Variants in NPHP3 observed in about 807,000 individuals in gnomAD.
The protein encoded by NPHP3 is nephrocystin 3, also known as nephrocystin-3.
NPHP3 carries 123 observed loss-of-function variants against 171.9 expected under a neutral mutation model. The ratio of observed to expected loss-of-function variants is 0.72; its 90% CI spans 0.62 to 0.83. The LOEUF (loss-of-function observed/expected upper bound fraction) is 0.83. NPHP3 is among the 40% of genes least tolerant of loss of function. NPHP3 has a pLI of 0.00. For synonymous variants in NPHP3, 558 were observed against 579.2 expected, an observed-to-expected ratio of 0.96 and a Z score of 0.52; for missense variants, 1,506 against 1,591.9, an observed-to-expected ratio of 0.95 and a Z score of 0.92.
In NPHP3 at chr3:132,704,410, A is replaced by C. The variant is rs189430524; in HGVS notation, c.1351-39T>G. On this transcript the variant is annotated intron_variant, in intron 8 of 26. Coordinates refer to ENST00000337331, the MANE Select transcript of NPHP3 (RefSeq NM_153240.5). ...ACAACCACACAAAAATGAATGAAGAAAATAAAGATCTTACAGCGGGGTCAC... is the reference window on the plus strand; with the variant it reads ...ACAACCACACAAAAATGAATGAAGACAATAAAGATCTTACAGCGGGGTCAC... 106 of 1,613,142 alleles carry C rather than the reference A, an allele frequency of 6.6e-5. No homozygotes were observed. The East Asian group carries it at 2.2e-3, about 33-fold the overall frequency.
chr3:132,704,148 G>A (rs1298818473), intron 9 of NPHP3, 50 bp downstream of exon 9: 1 of 1,505,186 alleles, frequency 6.6e-7, no homozygotes, highest in Admixed American at 1.7e-5. Context: ...TCATAATACA[G>A]CCTTTAAGTG....
At chr3:132,696,933 C>T (rs1277443591) in intron 14 of NPHP3, 120 bp from the exon 15 acceptor site, 8 of 821,252 alleles carry the variant, frequency 9.7e-6, no homozygotes, top group Admixed American at 1.9e-5. Flanking sequence ...TGCTGCCATC[C>T]GTGACATCAC....
chr3:132,701,314 T>C, intron 10 of NPHP3, 116 bp downstream of exon 10: 1 of 711,530 alleles, frequency 1.4e-6, no homozygotes, highest in South Asian at 1.5e-5. Flanking sequence ...TATTCCTTTT[T>C]ACTTTGTTAA....
chr3:132,688,720 A>G lies in NPHP3; in HGVS notation c.3055T>C (p.Tyr1019His), dbSNP rs759936807. 2.5e-6 allele frequency: 4 copies of G among 1,614,148 alleles called. No individual in the cohort carries two copies. In the South Asian group the frequency reaches 4.4e-5, roughly 18 times the overall value. ...GCAGTATATGGATGGTCCGCACCAT[A>G]AGCATTTTCTGAGATTTCCAACGCC... ...KQALEISENAYGADHPYTARE... is the reference protein window; with the variant it reads ...KQALEISENAHGADHPYTARE... Residue 1019 changes from tyrosine (Y) to histidine (H), a missense_variant, in exon 21 of 27, where the codon TAT becomes CAT. Around this residue, in one of 3 missense-constraint regions of NPHP3, gnomAD observed 569 missense variants for 648.1 expected, o/e 0.88. Transcript: ENST00000337331.
intron 2 of NPHP3, 54 bp from the exon 3 acceptor site, chr3:132,719,198 G>T: frequency 7.2e-7 from 1 of 1,379,916 alleles, no homozygotes; most frequent in Non-Finnish European, 1.0e-6. Context: ...AAAAAGTTGT[G>T]TCATCAACTT....
Position 132,716,780 on chromosome 3 carries a change from C to G in NPHP3, c.800G>C (p.Gly267Ala), listed in dbSNP as rs1467512285. Residue 267 changes from glycine (G) to alanine (A), a missense_variant, in exon 4 of 27, where the codon GGA becomes GCA. By Grantham distance (60) the Gly-to-Ala change is moderately conservative. Transcript: ENST00000337331. ...EFAHSSIDVE[G>A]PFANVNRDDW... The stretch of plus-strand genomic sequence containing the variant: ...ACCTCTATTAACATTTGCAAAGGGT[C>G]CTTCCACATCTATAGAACTATGGGC... 3.1e-6 allele frequency: 5 copies of G among 1,614,026 alleles called. No homozygotes were observed. The highest frequency in any genetic ancestry group is 4.2e-6 in the Non-Finnish European group (5 of 1,180,034).
At chr3:132,691,349 A>G in intron 17 of NPHP3, 63 bp from the exon 18 acceptor site, 1 of 1,111,476 alleles carries the variant, frequency 9.0e-7, no homozygotes, top group Non-Finnish European at 1.4e-6. Context: ...ATCTAACAAG[A>G]GATTTGCAAA....
chr3:132,692,865 G>A lies in NPHP3; in HGVS notation c.2311-47C>T, dbSNP rs776201153. 6.7e-6 allele frequency: 10 copies of A among 1,490,030 alleles called. No individual in the cohort carries two copies. The African/African-American group carries it at 1.1e-4, about 17-fold the overall frequency. The allele number at this position is 1,490,030 out of a possible 1,614,324, so 92.3% of individuals were successfully genotyped here. ...CAGTAATCATAAAGCACCTGTATAAGTAACTAACGGCCATTAAAAGTTCCA... is the reference window on the plus strand; with the variant it reads ...CAGTAATCATAAAGCACCTGTATAAATAACTAACGGCCATTAAAAGTTCCA... On this transcript the variant is annotated intron_variant, in intron 16 of 26. Transcript: ENST00000337331.
intron 23 of NPHP3, 116 bp downstream of exon 23, chr3:132,686,144 T>A: frequency 9.4e-7 from 1 of 1,060,162 alleles, no homozygotes; most frequent in Non-Finnish European, 1.5e-6. Context: ...ATACATGAAA[T>A]TTTGCGTGGT....
In NPHP3 at chr3:132,681,840, A is replaced by C; in HGVS notation, c.*70T>G. The stretch of plus-strand genomic sequence containing the variant: ...CGTACAACATTTTTTTAAAGTTTCA[A>C]ATTCAAATGTTCCAAATGTTTAATT... On this transcript the variant is annotated 3_prime_UTR_variant, in exon 27 of 27. Transcript: ENST00000337331. 3 of 1,415,600 alleles carry C rather than the reference A, an allele frequency of 2.1e-6. No individual in the cohort carries two copies. The highest frequency in any genetic ancestry group is 3.0e-6 in the Non-Finnish European group (3 of 1,002,568). 87.7% of individuals were successfully genotyped at this position (1,415,600 alleles called of 1,614,324 possible).
At chr3:132,721,917 G>T (rs1243410994) in intron 1 of NPHP3, 46 bp downstream of exon 1, 10 of 1,602,614 alleles carry the variant, frequency 6.2e-6, no homozygotes, top group Non-Finnish European at 7.7e-6. Flanking sequence ...CAGGACGGCC[G>T]TGCTTCCCAA....
chr3:132,704,098 T>G lies in NPHP3; in HGVS notation c.1524+100A>C, dbSNP rs1939685207. On this transcript the variant is annotated intron_variant, in intron 9 of 26. Transcript: ENST00000337331. ...TCAAGCCATGAGATTAGACAACTAA[T>G]ATAATCATAAACCTTAACTATATTT... 15 of 1,185,902 alleles carry G rather than the reference T, an allele frequency of 1.3e-5. 1 individual carries two copies. The South Asian group carries it at 1.9e-4, about 15-fold the overall frequency. 73.5% of individuals were successfully genotyped at this position (1,185,902 alleles called of 1,614,324 possible). A position where few individuals can be genotyped will look rare whatever the true frequency, so the allele number is the denominator to read the frequency against.
In NPHP3 at chr3:132,699,944, C is replaced by T. The variant is rs144880248; in HGVS notation, c.1861G>A (p.Val621Ile). The change falls in exon 12 of 27, where the codon GTT (valine) becomes ATT (isoleucine). Residue 621 changes from valine to isoleucine, a missense_variant. By Grantham distance (29) the Val-to-Ile change is conservative. This residue lies in a region of NPHP3 where 930 missense variants were observed against 924.9 expected (regional missense o/e 1.01). Coordinates refer to ENST00000337331, the MANE Select transcript of NPHP3 (RefSeq NM_153240.5). ...SARHQGSIIIVIDSIDQVQQV... is the reference protein window; with the variant it reads ...SARHQGSIIIIIDSIDQVQQV... ...TGAACTTGATCTATAGAATCAATAA[C>T]GATGATGATGCTGCCTTGATGACGA... 19 of 1,613,924 alleles carry T rather than the reference C, an allele frequency of 1.2e-5. No individual in the cohort carries two copies. Among genetic ancestry groups the T allele is most frequent in the East Asian group, 2.2e-5 (1 of 44,876 alleles).
chr3:132,711,339 T>C (rs746474415), intron 6 of NPHP3, among the ~76,000 whole-genome samples: 1 of 152,162 alleles, frequency 6.6e-6, no homozygotes, highest in Non-Finnish European at 1.5e-5. Flanking sequence ...ACTAAAATTA[T>C]TAAATTTAAG....
intron 8 of NPHP3, 161 bp downstream of exon 8, chr3:132,705,579 T>C: frequency 1.8e-6 from 1 of 569,438 alleles, no homozygotes; most frequent in South Asian, 2.1e-5. Flanking sequence ...CTAGTAATAC[T>C]AAGAACATAC....
chr3:132,715,529 A>G (rs1940026462), intron 4 of NPHP3, among the ~76,000 whole-genome samples: 1 of 152,214 alleles, frequency 6.6e-6, no homozygotes, highest in South Asian at 2.1e-4. Context: ...TACATTCCCA[A>G]GAGGATTTAT....
intron 6 of NPHP3, among the ~76,000 whole-genome samples, chr3:132,709,455 G>C (rs550453847): frequency 6.6e-6 from 1 of 151,672 alleles, no homozygotes; most frequent in African/African-American, 2.4e-5. Flanking sequence ...GCTAATTTTT[G>C]TATTTTTTGT....
intron 6 of NPHP3, among the ~76,000 whole-genome samples, chr3:132,710,320 A>G (rs577146464): frequency 2.6e-5 from 4 of 151,956 alleles, no homozygotes; most frequent in African/African-American, 7.2e-5. Flanking sequence ...CCTAAATTCT[A>G]TAACGAAACT....
intron 15 of NPHP3, among the ~76,000 whole-genome samples, chr3:132,695,773 A>G (rs1322968640): frequency 6.6e-6 from 1 of 152,128 alleles, no homozygotes; most frequent in Non-Finnish European, 1.5e-5. Context: ...GCTTATACTA[A>G]AAATACAAAA....
Sources: gnomAD v4.1 joint callset for allele counts (sites outside exome capture counted in the v4.1 genomes callset) on GRCh38, gnomAD v4.1.1 for gene constraint, gnomAD v4.1.1 regional missense constraint, MANE v1.5 for transcripts, NCBI Gene and HGNC (gene_info 2026-07-23, HGNC 2026-07-21) for gene names.